ST6GAL1: variants seen among roughly 807,000 people sequenced by gnomAD.
The protein encoded by ST6GAL1 is beta-galactoside alpha-2,6-sialyltransferase 1.
Under a neutral mutation model 38.0 loss-of-function variants are expected in ST6GAL1, and 20 were observed. The observed-to-expected ratio is 0.53, with a 90% CI of 0.37 to 0.77. The LOEUF is 0.77. Ranked by LOEUF, ST6GAL1 falls within the 30% of genes least tolerant of loss-of-function variation. The probability of loss-of-function intolerance (pLI) is 0.00; values close to 1 mark genes in which losing one functional copy is unlikely to be tolerated. For missense variants in ST6GAL1, 432 were observed against 496.4 expected (o/e 0.87, Z 1.23); for synonymous variants, 196 against 188.2 (o/e 1.04, Z -0.34).
intron 1 of ST6GAL1, among the ~76,000 whole-genome samples, chr3:186,947,849 G>A (rs1274106362): frequency 2.6e-5 from 4 of 152,158 alleles, no homozygotes; most frequent in Admixed American, 6.5e-5. Flanking sequence ...TTGTTATTGC[G>A]GACACACCCC....
intron 2 of ST6GAL1, among the ~76,000 whole-genome samples, chr3:187,016,141 C>T (rs940879123): frequency 2.6e-5 from 4 of 152,164 alleles, no homozygotes; most frequent in African/African-American, 9.7e-5. Flanking sequence ...CCAGCAGGTG[C>T]TTCATGCTTG....
intron 1 of ST6GAL1, among the ~76,000 whole-genome samples, chr3:186,944,382 T>C (rs1714284406): frequency 6.6e-6 from 1 of 152,180 alleles, no homozygotes; most frequent in Non-Finnish European, 1.5e-5. Context: ...GCAAAATTAT[T>C]GTCTCACTTA....
At chr3:187,035,846 G>A (rs1579343692) in intron 2 of ST6GAL1, among the ~76,000 whole-genome samples, 1 of 48,458 alleles carries the variant, frequency 2.1e-5, no homozygotes, top group Non-Finnish European at 3.7e-5. Context: ...TCAACCTTGG[G>A]AAAGGATTTA....
intron 2 of ST6GAL1, among the ~76,000 whole-genome samples, chr3:186,967,744 C>A (rs1222470209): frequency 6.6e-6 from 1 of 152,202 alleles, no homozygotes; most frequent in Non-Finnish European, 1.5e-5. Context: ...CGTTAGCCAT[C>A]ACGTCTTTCA....
At chr3:187,013,081 C>A (rs1363961943) in intron 2 of ST6GAL1, among the ~76,000 whole-genome samples, 3 of 152,204 alleles carry the variant, frequency 2.0e-5, no homozygotes, top group Non-Finnish European at 4.4e-5. Context: ...GTACCAGTCA[C>A]GAAGACTTCA....
chr3:186,955,724 A>G (rs557217601), intron 1 of ST6GAL1, among the ~76,000 whole-genome samples: 7 of 151,708 alleles, frequency 4.6e-5, no homozygotes, highest in African/African-American at 7.3e-5. Context: ...GATGGTCTTG[A>G]TCTCTTGACC....
chr3:187,074,222 A>T lies in ST6GAL1; in HGVS notation c.868A>T (p.Asn290Tyr). ...NYKTYRKLHP[N>Y]QPFYILKPQM... ...CAAGACTTATCGTAAGCTGCACCCC[A>T]ATCAGCCCTTTTACATCCTCAAGCC... The change falls in exon 7 of 8, where the codon AAT (asparagine) becomes TAT (tyrosine). Residue 290 changes from asparagine (N) to tyrosine (Y), a missense_variant. Asn to Tyr is a moderately radical substitution (Grantham distance 143, BLOSUM62 -2). Transcript: ENST00000169298. 6.2e-7 allele frequency: 1 copy of T among 1,613,024 alleles called. No homozygotes were observed. Among genetic ancestry groups the T allele is most frequent in the Non-Finnish European group, 8.5e-7 (1 of 1,179,590 alleles).
intron 2 of ST6GAL1, among the ~76,000 whole-genome samples, chr3:186,984,968 G>A (rs572714203): frequency 6.6e-6 from 1 of 151,582 alleles, no homozygotes; most frequent in Non-Finnish European, 1.5e-5. Flanking sequence ...AAGTGCAGTG[G>A]CACGTTCTCG....
At chr3:187,017,179 G>A (rs1360270576) in intron 2 of ST6GAL1, among the ~76,000 whole-genome samples, 1 of 152,262 alleles carries the variant, frequency 6.6e-6, no homozygotes, top group Non-Finnish European at 1.5e-5. Flanking sequence ...CTTGAGCCGT[G>A]TGTTGACTCA....
intron 1 of ST6GAL1, among the ~76,000 whole-genome samples, chr3:186,938,194 C>A (rs1714032083): frequency 6.6e-6 from 1 of 152,176 alleles, no homozygotes; most frequent in African/African-American, 2.4e-5. Flanking sequence ...AGGGTATGAC[C>A]ATTTTTAAAA....
At chr3:186,939,636 G>A (rs538891291) in intron 1 of ST6GAL1, among the ~76,000 whole-genome samples, 12 of 152,116 alleles carry the variant, frequency 7.9e-5, no homozygotes, top group Non-Finnish European at 1.5e-4. Context: ...AATCAGACTC[G>A]AGCCCAGCCT....
At chr3:186,983,895 A>G (rs968347329) in intron 2 of ST6GAL1, among the ~76,000 whole-genome samples, 3 of 152,154 alleles carry the variant, frequency 2.0e-5, no homozygotes, top group African/African-American at 7.2e-5. Flanking sequence ...AAAAGCTCTC[A>G]TGCTGATAAC....
intron 2 of ST6GAL1, among the ~76,000 whole-genome samples, chr3:187,029,226 T>A (rs938682885): frequency 3.9e-5 from 6 of 152,070 alleles, no homozygotes; most frequent in Admixed American, 2.0e-4. Context: ...CGAGAGGTGT[T>A]TTGATTTTGC....
At chr3:186,980,271 C>A (rs1715650342) in intron 2 of ST6GAL1, among the ~76,000 whole-genome samples, 1 of 152,096 alleles carries the variant, frequency 6.6e-6, no homozygotes, top group Non-Finnish European at 1.5e-5. Context: ...ATGCAGCGGG[C>A]ACCCTGGATG....
chr3:186,932,408 G>T (rs1169277672), intron 1 of ST6GAL1, among the ~76,000 whole-genome samples: 1 of 152,238 alleles, frequency 6.6e-6, no homozygotes, highest in Non-Finnish European at 1.5e-5. Context: ...AGGCAGAATA[G>T]GGTGAAACAA....
intron 2 of ST6GAL1, among the ~76,000 whole-genome samples, chr3:186,996,140 C>G (rs939130475): frequency 2.0e-5 from 3 of 151,962 alleles, no homozygotes; most frequent in Admixed American, 2.0e-4. Context: ...TTTGAAGGAC[C>G]AGTATATTGA....
chr3:186,951,394 T>G (rs1433135021), intron 1 of ST6GAL1, among the ~76,000 whole-genome samples: 1 of 152,200 alleles, frequency 6.6e-6, no homozygotes, highest in African/African-American at 2.4e-5. Context: ...GACATTGGTG[T>G]TGTAGGCCAT....
At chr3:187,053,124 T>C (rs1328615452) in intron 5 of ST6GAL1, among the ~76,000 whole-genome samples, 1 of 152,216 alleles carries the variant, frequency 6.6e-6, no homozygotes, top group Admixed American at 6.5e-5. Context: ...TTATATCTTT[T>C]GCCCACTTTT....
intron 6 of ST6GAL1, 52 bp downstream of exon 6, chr3:187,072,999 A>G: frequency 2.1e-6 from 3 of 1,426,278 alleles, no homozygotes; most frequent in Non-Finnish European, 2.0e-6. Context: ...CTGTCTACAG[A>G]TTTTCCTGAT....
Sources: gnomAD v4.1 joint callset for allele counts (sites outside exome capture counted in the v4.1 genomes callset) on GRCh38, gnomAD v4.1.1 for gene constraint, MANE v1.5 for transcripts, NCBI Gene and HGNC (gene_info 2026-07-23, HGNC 2026-07-21) for gene names.